DNAH14: variants seen among roughly 807,000 people sequenced by gnomAD.
DNAH14 encodes the protein axonemal beta dynein heavy chain 14.
A neutral mutation model predicts 520.9 loss-of-function variants in DNAH14; 478 were observed. The ratio of observed to expected loss-of-function variants is 0.92; its 90% confidence interval spans 0.85 to 0.99. The LOEUF is 0.99. DNAH14 is among the 50% of genes least tolerant of loss of function. DNAH14 has a pLI of 0.00. For missense variants in DNAH14, 4,831 were observed against 5,234.5 expected (o/e 0.92, Z 2.38); for synonymous variants, 1,581 against 1,757.2 (o/e 0.90, Z 2.51).
chr1:225,019,875 T>C (rs931023446), intron 10 of DNAH14, among the ~76,000 whole-genome samples: 1 of 152,144 alleles, frequency 6.6e-6, no homozygotes, highest in African/African-American at 2.4e-5. Context: ...GAGGAAAGTT[T>C]ATAGTGCTGT....
chr1:225,182,497 C>G (rs1440556443), intron 36 of DNAH14, among the ~76,000 whole-genome samples: 1 of 152,142 alleles, frequency 6.6e-6, no homozygotes. Context: ...AAGAAAACAC[C>G]TTCACGAGAG....
At chr1:225,037,343 G>T (rs1398675765) in intron 11 of DNAH14, among the ~76,000 whole-genome samples, 2 of 151,906 alleles carry the variant, frequency 1.3e-5, no homozygotes, top group Non-Finnish European at 2.9e-5. Context: ...GATTTTCTCT[G>T]GTGATATGTT....
chr1:225,179,415 A>C (rs1480159621), intron 36 of DNAH14, among the ~76,000 whole-genome samples: 1 of 152,130 alleles, frequency 6.6e-6, no homozygotes, highest in Non-Finnish European at 1.5e-5. Flanking sequence ...TGGTTCTGAA[A>C]AATCATAGTT....
intron 23 of DNAH14, among the ~76,000 whole-genome samples, chr1:225,110,243 A>G (rs2076382380): frequency 2.0e-5 from 3 of 152,036 alleles, no homozygotes; most frequent in South Asian, 2.1e-4. Context: ...GGAAGACTTT[A>G]TGAGGATTGG....
At chr1:225,206,303 A>G (rs2087544036) in intron 40 of DNAH14, 124 bp downstream of exon 40, 1 of 832,286 alleles carries the variant, frequency 1.2e-6, no homozygotes, top group Admixed American at 3.0e-5. Context: ...CATGAACTCA[A>G]TAGTTTCAAA....
intron 27 of DNAH14, among the ~76,000 whole-genome samples, chr1:225,130,037 A>G (rs2078219213): frequency 6.6e-6 from 1 of 152,254 alleles, no homozygotes; most frequent in Non-Finnish European, 1.5e-5. Flanking sequence ...TCAAAAGAAG[A>G]CATTTATGCA....
chr1:225,102,424 T>G lies in DNAH14; in HGVS notation c.3867+1540T>G, dbSNP rs1219111948. On this transcript the variant is annotated intron_variant, in intron 23 of 85. Coordinates refer to ENST00000682510, the MANE Select transcript of DNAH14 (RefSeq NM_001367479.1). ...TATACCCAGTAATGGGATGGCTGGG[T>G]CAAATGGTATTTCTAGTTCTAGATC... Among the ~76,000 whole-genome samples the G allele has an allele frequency of 3.3e-5, 5 of 152,146 alleles. No homozygotes were observed. The South Asian group carries it at 6.2e-4, about 19-fold the overall frequency.
intron 8 of DNAH14, among the ~76,000 whole-genome samples, chr1:225,001,372 AGTC>A (rs2063759663): frequency 6.6e-6 from 1 of 152,128 alleles, no homozygotes; most frequent in African/African-American, 2.4e-5. Flanking sequence ...GAGTAGTAAT[AGTC>A]TTTTGTGATA....
chr1:224,970,541 G>A (rs2061444714), intron 7 of DNAH14, among the ~76,000 whole-genome samples: 1 of 152,022 alleles, frequency 6.6e-6, no homozygotes, highest in South Asian at 2.1e-4. Context: ...TACCGCTCGG[G>A]GGCATGATGG....
At chr1:225,304,455 G>C (rs1019494707) in intron 57 of DNAH14, among the ~76,000 whole-genome samples, 1 of 152,058 alleles carries the variant, frequency 6.6e-6, no homozygotes, top group Admixed American at 6.6e-5. Context: ...CTACATGGGA[G>C]GCTGAGGCAG....
intron 42 of DNAH14, among the ~76,000 whole-genome samples, chr1:225,233,617 T>G (rs2091320584): frequency 1.3e-5 from 2 of 152,136 alleles, no homozygotes; most frequent in Non-Finnish European, 2.9e-5. Context: ...TGTTCATGTC[T>G]TTTGCCCATT....
At chr1:225,340,815 G>C in intron 69 of DNAH14, 114 bp downstream of exon 69, 1 of 1,258,254 alleles carries the variant, frequency 7.9e-7, no homozygotes, top group Non-Finnish European at 1.1e-6. Context: ...TTTCCACCAG[G>C]TAACTGATAA....
Position 225,322,702 on chromosome 1 carries a change from T to C in DNAH14, c.9374T>C (p.Met3125Thr), listed in dbSNP as rs2094579859. 2 of 1,550,414 alleles carry C rather than the reference T, an allele frequency of 1.3e-6. No individual in the cohort carries two copies. The highest frequency in any genetic ancestry group is 1.4e-5 in the African/African-American group (1 of 73,038). The change falls in exon 62 of 86, where the codon ATG (methionine) becomes ACG (threonine). Residue 3125 changes from methionine (M) to threonine (T), a missense_variant. Met to Thr is a moderately conservative substitution (Grantham distance 81). Coordinates refer to ENST00000682510, the MANE Select transcript of DNAH14 (RefSeq NM_001367479.1). ...TRPPFLVLTVMNAVCILLQKK... is the reference protein window; with the variant it reads ...TRPPFLVLTVTNAVCILLQKK... ...CCTCCCTTCCTTGTACTGACTGTCA[T>C]GAATGCAGTGTGTATTCTTCTGCAA...
intron 64 of DNAH14, among the ~76,000 whole-genome samples, chr1:225,330,911 C>T (rs538559630): frequency 2.0e-5 from 3 of 151,864 alleles, no homozygotes; most frequent in Non-Finnish European, 4.4e-5. Context: ...ATCTCATGTG[C>T]CCCCTAAATA....
chr1:225,385,693 A>G (rs1051457645), intron 81 of DNAH14, among the ~76,000 whole-genome samples: 1 of 152,218 alleles, frequency 6.6e-6, no homozygotes, highest in African/African-American at 2.4e-5. Flanking sequence ...GACCTCTTCA[A>G]GGAGAACTAC....
At chr1:225,105,430 C>G (rs1344956379) in intron 23 of DNAH14, among the ~76,000 whole-genome samples, 1 of 152,126 alleles carries the variant, frequency 6.6e-6, no homozygotes, top group Non-Finnish European at 1.5e-5. Context: ...AGTTCAATTC[C>G]TGGATATCCT....
chr1:225,164,290 A>G (rs948085466), intron 35 of DNAH14, among the ~76,000 whole-genome samples: 1 of 152,074 alleles, frequency 6.6e-6, no homozygotes, highest in Non-Finnish European at 1.5e-5. Flanking sequence ...TCTTGTCTTA[A>G]TATCTATTCA....
rs560537379 is a variant in DNAH14, at chr1:225,158,191, G to T, written c.5274-1123G>T. Among the ~76,000 whole-genome samples, 26 of 151,960 alleles carry T rather than the reference G, an allele frequency of 1.7e-4. No individual in the cohort carries two copies. In the East Asian group the frequency reaches 3.5e-3, roughly 20 times the overall value. On this transcript the variant is annotated intron_variant, in intron 34 of 85. Transcript: ENST00000682510. ...ATGTTTAATATATACAATATATACT[G>T]TAGTGTTTAGTATATGAAATATTGT...
chr1:224,966,269 A>T (rs746555724), intron 5 of DNAH14, among the ~76,000 whole-genome samples: 44 of 152,138 alleles, frequency 2.9e-4, no homozygotes, highest in Admixed American at 1.8e-3. Flanking sequence ...AGTAATCTTC[A>T]AGGAAGACAG....
Sources: gnomAD v4.1 joint callset for allele counts (sites outside exome capture counted in the v4.1 genomes callset) on GRCh38, gnomAD v4.1.1 for gene constraint, MANE v1.5 for transcripts, NCBI Gene and HGNC (gene_info 2026-07-23, HGNC 2026-07-21) for gene names.